SLC22A24: variants seen among roughly 807,000 people sequenced by gnomAD.
SLC22A24 encodes the protein steroid transmembrane transporter SLC22A24.
SLC22A24 carries 53 observed loss-of-function variants against 49.8 expected under a neutral mutation model. The ratio of observed to expected loss-of-function variants is 1.06; its 90% CI spans 0.85 to 1.34. The LOEUF (loss-of-function observed/expected upper bound fraction) is 1.34. Among genes scored for constraint, SLC22A24 ranks in the 40% most tolerant of loss-of-function variants. SLC22A24 has a pLI of 0.00. For missense variants in SLC22A24, 786 were observed against 675.9 expected (o/e 1.16, Z -1.81); for synonymous variants, 302 against 256.4 (o/e 1.18, Z -1.70).
chr11:63,124,545 T>C (rs558096298), intron 2 of SLC22A24, among the ~76,000 whole-genome samples: 1 of 152,324 alleles, frequency 6.6e-6, no homozygotes, highest in Non-Finnish European at 1.5e-5. Flanking sequence ...GTTCCTTTAC[T>C]ATCTTCCAAA....
chr11:63,124,306 GAAGA>G lies in SLC22A24; in HGVS notation c.507-4975_507-4972del, dbSNP rs2087272950. 1.5e-4 allele frequency among the ~76,000 whole-genome samples: 23 copies of G among 152,260 alleles called. 1 individual carries two copies. In the South Asian group the frequency reaches 4.3e-3, roughly 29 times the overall value. On this transcript the variant is annotated intron_variant, in intron 2 of 9. Transcript: ENST00000612278. ...TTGAGTGTCATCTAGCTCCTGGGGG[GAAGA>G]AAGACAGAAAAAACTTTCAAGCTTG... is the stretch of plus-strand genomic sequence containing the variant.
At chr11:63,083,940 A>G (rs944790896) in intron 6 of SLC22A24, among the ~76,000 whole-genome samples, 1 of 152,060 alleles carries the variant, frequency 6.6e-6, no homozygotes, top group Admixed American at 6.6e-5. Context: ...TCTTTACCTT[A>G]GTCTTAGTAA....
chr11:63,113,053 T>TATAC lies in SLC22A24; in HGVS notation c.830+5858_830+5859insGTAT, dbSNP rs1191114857. ...AAAAAAAAATATATATATATATATA[T>TATAC]ACATATATATATATACATATATATA... On this transcript the variant is annotated intron_variant, in intron 4 of 9. Coordinates refer to ENST00000612278, the MANE Select transcript of SLC22A24 (RefSeq NM_001136506.2). 4.8e-4 allele frequency among the ~76,000 whole-genome samples: 2 copies of TATAC among 4,208 alleles called. 1 individual carries two copies. The highest frequency in any genetic ancestry group is 3.2e-3 in the Non-Finnish European group (2 of 618). 2.8% of individuals were successfully genotyped at this position (4,208 alleles called of 152,430 possible). A position where few individuals can be genotyped will look rare whatever the true frequency, so the allele number is the denominator to read the frequency against.
intron 2 of SLC22A24, among the ~76,000 whole-genome samples, chr11:63,130,760 A>G (rs1318549539): frequency 6.6e-6 from 1 of 152,100 alleles, no homozygotes; most frequent in African/African-American, 2.4e-5. Flanking sequence ...GTTTATTTGT[A>G]TAGAGGTGTT....
chr11:63,080,629 C>G (rs747293830), intron 9 of SLC22A24, among the ~76,000 whole-genome samples: 2 of 152,134 alleles, frequency 1.3e-5, no homozygotes, highest in African/African-American at 2.4e-5. Flanking sequence ...TGTGTGTTTC[C>G]CACAAGGGCA....
intron 1 of SLC22A24, among the ~76,000 whole-genome samples, chr11:63,136,243 CA>C (rs1239050550): frequency 1.3e-5 from 2 of 151,914 alleles, no homozygotes; most frequent in African/African-American, 4.8e-5. Flanking sequence ...GTGAAACTTG[CA>C]CGAAAAAAAG....
At chr11:63,125,939 G>A (rs538164398) in intron 2 of SLC22A24, among the ~76,000 whole-genome samples, 77 of 152,244 alleles carry the variant, frequency 5.1e-4, no homozygotes, top group African/African-American at 1.8e-3. Context: ...TATGTTGGTT[G>A]GCTGCATAAA....
chr11:63,103,788 G>T (rs190667622), intron 5 of SLC22A24, among the ~76,000 whole-genome samples: 37 of 151,960 alleles, frequency 2.4e-4, no homozygotes, highest in African/African-American at 8.4e-4. Flanking sequence ...ATACATAAAG[G>T]GTCAAAATCA....
intron 2 of SLC22A24, among the ~76,000 whole-genome samples, chr11:63,133,288 C>G (rs1590750260): frequency 6.6e-6 from 1 of 152,212 alleles, no homozygotes; most frequent in African/African-American, 2.4e-5. Context: ...CGGCACCCCA[C>G]CCTGCTTCAG....
intron 6 of SLC22A24, among the ~76,000 whole-genome samples, chr11:63,095,666 G>A (rs950390800): frequency 2.0e-5 from 3 of 152,152 alleles, no homozygotes; most frequent in Non-Finnish European, 4.4e-5. Context: ...GCCAGTTGAT[G>A]TAACTTCTTT....
At chr11:63,087,904 C>T (rs61355084) in intron 6 of SLC22A24, among the ~76,000 whole-genome samples, 17,877 of 152,126 alleles carry the variant, frequency 0.12, 1,172 homozygotes, top group Middle Eastern at 0.16. Context: ...AGGCAACAGC[C>T]CCAGTAAGAG....
chr11:63,119,475 T>C, intron 2 of SLC22A24, 140 bp from the exon 3 acceptor site: 1 of 802,326 alleles, frequency 1.2e-6, no homozygotes, highest in South Asian at 2.0e-5. Context: ...GGCATAATTA[T>C]ATTAGTGAGC....
intron 4 of SLC22A24, among the ~76,000 whole-genome samples, chr11:63,111,126 G>C (rs1287470499): frequency 2.6e-5 from 4 of 151,938 alleles, no homozygotes; most frequent in African/African-American, 4.8e-5. Flanking sequence ...TTTGTCTTTG[G>C]TTCTTTTTAT....
intron 2 of SLC22A24, among the ~76,000 whole-genome samples, chr11:63,123,048 T>G (rs2087263255): frequency 6.6e-6 from 1 of 152,146 alleles, no homozygotes; most frequent in Non-Finnish European, 1.5e-5. Context: ...TATAGAATAC[T>G]ATGTGCATAT....
intron 4 of SLC22A24, among the ~76,000 whole-genome samples, chr11:63,111,704 A>G (rs1310117176): frequency 1.3e-5 from 2 of 151,636 alleles, no homozygotes; most frequent in South Asian, 2.1e-4. Context: ...TATCCCCTTT[A>G]TCATTTTTTA....
At chr11:63,108,112 A>G (rs148572770) in intron 4 of SLC22A24, among the ~76,000 whole-genome samples, 2,123 of 152,274 alleles carry the variant, frequency 0.014, 19 homozygotes, top group Middle Eastern at 0.034. Context: ...CATCCCATCA[A>G]TACCTAGTCT....
chr11:63,119,904 C>A (rs1450025105), intron 2 of SLC22A24, among the ~76,000 whole-genome samples: 1 of 152,062 alleles, frequency 6.6e-6, no homozygotes, highest in African/African-American at 2.4e-5. Context: ...TGTTTTTTGG[C>A]TGCATAAATG....
intron 5 of SLC22A24, among the ~76,000 whole-genome samples, chr11:63,097,562 C>T (rs1162087254): frequency 6.6e-6 from 1 of 152,120 alleles, no homozygotes; most frequent in Non-Finnish European, 1.5e-5. Flanking sequence ...CCTGCAATCC[C>T]ATTACTGGGT....
chr11:63,128,003 G>A (rs559389309), intron 2 of SLC22A24, among the ~76,000 whole-genome samples: 28 of 141,936 alleles, frequency 2.0e-4, no homozygotes, highest in Admixed American at 1.8e-3. Flanking sequence ...AGGCACCGAC[G>A]CAAGAGACTG....
Sources: gnomAD v4.1 joint callset for allele counts (sites outside exome capture counted in the v4.1 genomes callset) on GRCh38, gnomAD v4.1.1 for gene constraint, MANE v1.5 for transcripts, NCBI Gene and HGNC (gene_info 2026-07-23, HGNC 2026-07-21) for gene names.